PTP4A1: variants seen among roughly 807,000 people sequenced by gnomAD.
The protein encoded by PTP4A1 is protein tyrosine phosphatase 4A1, also known as protein tyrosine phosphatase type IVA 1.
Under a neutral mutation model 20.5 loss-of-function variants are expected in PTP4A1, and 9 were observed. The observed-to-expected ratio is 0.44, with a 90% CI of 0.26 to 0.77. PTP4A1 has a LOEUF of 0.77. Ranked by LOEUF, PTP4A1 falls within the 30% of genes least tolerant of loss-of-function variation. PTP4A1 has a pLI of 0.19. For missense variants in PTP4A1, 137 were observed against 218.8 expected (o/e 0.63, Z 2.36); for synonymous variants, 78 against 67.4 (o/e 1.16, Z -0.77).
chr6:63,553,822 C>A (rs1458757158), intron 3 of PTP4A1, among the ~76,000 whole-genome samples: 1 of 152,112 alleles, frequency 6.6e-6, no homozygotes, highest in Non-Finnish European at 1.5e-5. Flanking sequence ...AAACCATTGC[C>A]CAGCCTGGGA....
chr6:63,578,660 T>C (rs1021884884), intron 3 of PTP4A1, 131 bp downstream of exon 3: 14 of 1,325,972 alleles, frequency 1.1e-5, no homozygotes, highest in Non-Finnish European at 1.4e-5. Flanking sequence ...ATTATATTAT[T>C]GTGCAGAATC....
chr6:63,551,294 G>A (rs1275531888), intron 3 of PTP4A1, among the ~76,000 whole-genome samples: 3 of 152,118 alleles, frequency 2.0e-5, no homozygotes, highest in Non-Finnish European at 4.4e-5. Context: ...TCGAATTCCT[G>A]ACCTCAGGTG....
intron 3 of PTP4A1, among the ~76,000 whole-genome samples, chr6:63,562,466 T>C (rs1195211309): frequency 3.3e-5 from 5 of 152,250 alleles, no homozygotes. Context: ...CCCAAAGTGC[T>C]GGGATTACAG....
intron 2 of PTP4A1, among the ~76,000 whole-genome samples, chr6:63,543,256 G>A (rs2149485156): frequency 6.6e-6 from 1 of 152,246 alleles, no homozygotes; most frequent in East Asian, 1.9e-4. Flanking sequence ...TCAGTCCCAG[G>A]CATTCTGTGA....
chr6:63,556,759 A>C (rs1482710433), intron 3 of PTP4A1, among the ~76,000 whole-genome samples: 1 of 152,244 alleles, frequency 6.6e-6, no homozygotes, highest in African/African-American at 2.4e-5. Flanking sequence ...AAAAAGTATG[A>C]TTATTCTAAA....
At chr6:63,569,132 G>C (rs1255138225), upstream of PTP4A1, among the ~76,000 whole-genome samples, 2 of 152,134 alleles carry the variant, frequency 1.3e-5, no homozygotes, top group African/African-American at 4.8e-5. Flanking sequence ...TTGGTAAAAT[G>C]GAATCAATGT....
chr6:63,564,070 T>A (rs1681950), intron 3 of PTP4A1, among the ~76,000 whole-genome samples: 1 of 151,944 alleles, frequency 6.6e-6, no homozygotes, highest in Admixed American at 6.6e-5. Flanking sequence ...AGGTCAGGAG[T>A]TCGAGACCAG....
intron 3 of PTP4A1, among the ~76,000 whole-genome samples, chr6:63,558,824 CA>C (rs2149494251): frequency 6.6e-6 from 1 of 152,284 alleles, no homozygotes; most frequent in South Asian, 2.1e-4. Flanking sequence ...CAAGCCATCC[CA>C]GGGGCCCCCA....
intron 1 of PTP4A1, among the ~76,000 whole-genome samples, chr6:63,574,982 T>C (rs1233584529): frequency 6.6e-6 from 1 of 152,220 alleles, no homozygotes; most frequent in Non-Finnish European, 1.5e-5. Context: ...AGTTACCTTT[T>C]TTATGGGACC....
At chr6:63,538,330 A>T (rs540140406) in intron 2 of PTP4A1, among the ~76,000 whole-genome samples, 1 of 152,250 alleles carries the variant, frequency 6.6e-6, no homozygotes. Flanking sequence ...AGTTCAGTGA[A>T]CATTGTTACA....
intron 1 of PTP4A1, among the ~76,000 whole-genome samples, chr6:63,526,466 A>T (rs1390019486): frequency 1.3e-5 from 2 of 151,798 alleles, no homozygotes; most frequent in Admixed American, 1.3e-4. Flanking sequence ...TTCAACAGAG[A>T]GGAAGACCAC....
chr6:63,569,553 T>C (rs1167546646), upstream of PTP4A1, among the ~76,000 whole-genome samples: 1 of 152,256 alleles, frequency 6.6e-6, no homozygotes, highest in Admixed American at 6.5e-5. Context: ...CATGAGCCTG[T>C]ATGCCACCAT....
At position 63,582,005 on chromosome 6, in the gene PTP4A1, C is replaced by A. The variant is rs1474885173; in HGVS notation, c.*1831C>A. On this transcript the variant is annotated 3_prime_UTR_variant, in exon 6 of 6. Transcript: ENST00000626021. ...CTCAAAGTTTAAGTAAAAAGTGATA[C>A]TCCACCTTGTGTTTCAAAGAATTTA... The A allele has an allele frequency of 1.3e-5, 2 of 152,076 alleles. No individual in the cohort carries two copies. Among genetic ancestry groups the A allele is most frequent in the Admixed American group, 6.6e-5 (1 of 15,260 alleles). 9.4% of individuals were successfully genotyped at this position (152,076 alleles called of 1,614,324 possible).
intron 3 of PTP4A1, among the ~76,000 whole-genome samples, chr6:63,561,729 A>T (rs1181199773): frequency 6.6e-6 from 1 of 152,242 alleles, no homozygotes; most frequent in African/African-American, 2.4e-5. Context: ...TTAATTTCCC[A>T]GGGAGCTTCT....
intron 2 of PTP4A1, among the ~76,000 whole-genome samples, chr6:63,538,108 G>A (rs1775800114): frequency 6.6e-6 from 1 of 152,212 alleles, no homozygotes; most frequent in Admixed American, 6.5e-5. Flanking sequence ...GACATTAAAT[G>A]TACATGCAAA....
chr6:63,571,742 GTA>G (rs1188089676), upstream of PTP4A1: 4 of 152,196 alleles, frequency 2.6e-5, no homozygotes, highest in African/African-American at 9.7e-5. Context: ...CGCGTACGTA[GTA>G]TAGAGAGGTG....
chr6:63,576,904 T>C lies in PTP4A1; in HGVS notation c.24T>C (p.Ala8=). The part of the protein sequence containing the change: MARMNRP[A]PVEVTYKNMR... Reference sequence around the variant, plus strand: ...ACATGGCTCGAATGAACCGCCCAGCTCCTGTGGAAGTCACATACAAGAACA... The same window carrying C: ...ACATGGCTCGAATGAACCGCCCAGCCCCTGTGGAAGTCACATACAAGAACA... Residue 8 remains alanine, a synonymous_variant, in exon 2 of 6, where the codon GCT becomes GCC. Transcript: ENST00000626021. 6.2e-7 allele frequency: 1 copy of C among 1,613,698 alleles called. No individual in the cohort carries two copies. The highest frequency in any genetic ancestry group is 8.5e-7 in the Non-Finnish European group (1 of 1,179,988).
intron 3 of PTP4A1, among the ~76,000 whole-genome samples, chr6:63,555,859 A>G (rs1776665466): frequency 6.6e-6 from 1 of 151,884 alleles, no homozygotes; most frequent in Admixed American, 6.6e-5. Context: ...ATACCCAGCT[A>G]ATTTTTGCAT....
At chr6:63,578,619 A>G in intron 3 of PTP4A1, 90 bp downstream of exon 3, 1 of 1,464,872 alleles carries the variant, frequency 6.8e-7, no homozygotes, top group Non-Finnish European at 9.1e-7. Flanking sequence ...TATTTAAGTC[A>G]TAAATAGACC....
Sources: allele counts gnomAD v4.1 joint callset (sites outside exome capture counted in the v4.1 genomes callset), GRCh38; gene constraint gnomAD v4.1.1; transcripts MANE v1.5; gene names NCBI Gene and HGNC (gene_info 2026-07-23, HGNC 2026-07-21).